The following HECTD4 variants were observed in gnomAD, a reference collection of about 807,000 sequenced individuals.
HECTD4 encodes the protein HECT domain E3 ubiquitin protein ligase 4.
A neutral mutation model predicts 471.5 loss-of-function variants in HECTD4; 114 were observed. That is an observed-to-expected ratio of 0.24 (90% CI 0.21 to 0.28). The LOEUF (loss-of-function observed/expected upper bound fraction) is 0.28. HECTD4 is among the 10% of genes least tolerant of loss of function. HECTD4 has a pLI of 1.00. For synonymous variants in HECTD4, 2,012 were observed against 2,256.0 expected (o/e 0.89, Z 3.07); for missense variants, 3,866 against 5,651.5 (o/e 0.68, Z 10.13).
chr12:112,228,766 T>C lies in HECTD4; in HGVS notation c.6565A>G (p.Ile2189Val), dbSNP rs369958628. 5.6e-6 allele frequency: 9 copies of C among 1,613,746 alleles called. No homozygotes were observed. The highest frequency in any genetic ancestry group is 1.7e-5 in the Admixed American group (1 of 59,892). Residue 2189 changes from isoleucine (I) to valine (V), a missense_variant, in exon 42 of 76, where the codon ATC (isoleucine) becomes GTC (valine). Around this residue, in one of 16 missense-constraint regions of HECTD4, gnomAD observed 617 missense variants for 915.1 expected, o/e 0.67. Coordinates refer to ENST00000682272, the MANE Select transcript of HECTD4 (RefSeq NM_001388303.1). This position sits in a 1 kb window ranked among gnomAD's most constrained non-coding sequence, Gnocchi z 4.9. ...ISGSIGVVAS[I>V]NEQEGIATVR... ...GTAGCTATACCTTCCTGTTCATTGA[T>C]AGAAGCCACTACTCCAATGCTTCCT...
chr12:112,162,776 T>TC lies in HECTD4; in HGVS notation c.13121-254_13121-253insG, dbSNP rs2136992940. On this transcript the variant is annotated intron_variant, in intron 75 of 75. Transcript: ENST00000682272. The surrounding 1 kb of genome is among the most constrained non-coding windows in gnomAD (Gnocchi z 5.2). ...TGCCCAGCAAATTGTTTCTTTTTTT[T>TC]TTTTTTTAACCATTTTTCTGCATTT... 8.8e-6 allele frequency: 5 copies of TC among 565,544 alleles called. No individual in the cohort carries two copies. The highest frequency in any genetic ancestry group is 1.5e-5 in the Non-Finnish European group (5 of 324,566). The allele number at this position is 565,544 out of a possible 1,614,324, so 35.0% of individuals were successfully genotyped here.
In HECTD4 at chr12:112,259,199, G is replaced by A. The variant is rs747484088; in HGVS notation, c.2940C>T (p.Thr980=). 7 of 1,613,882 alleles carry A rather than the reference G, an allele frequency of 4.3e-6. No individual in the cohort carries two copies. Among genetic ancestry groups the A allele is most frequent in the Middle Eastern group, 1.6e-4 (1 of 6,062 alleles). Residue 980 remains threonine (T), a synonymous_variant, in exon 19 of 76, where the codon ACC becomes ACT. Coordinates refer to ENST00000682272, the MANE Select transcript of HECTD4 (RefSeq NM_001388303.1). ...TCTGTAAATTTGGATGCATCAAGGA[G>A]GTCAGTAACACTGGAAGAAGGTGAC... ...MLGHLLPVLL[T]SLMHPNLQTL...
intron 64 of HECTD4, among the ~76,000 whole-genome samples, 154 bp downstream of exon 64, chr12:112,178,777 G>A (rs561335091): frequency 1.3e-5 from 2 of 152,326 alleles, no homozygotes; most frequent in African/African-American, 2.4e-5. Flanking sequence ...AGCTGTGATC[G>A]GGCCGCTGCA....
intron 7 of HECTD4, among the ~76,000 whole-genome samples, chr12:112,285,866 A>C (rs1311594198): frequency 2.0e-5 from 3 of 151,208 alleles, no homozygotes; most frequent in African/African-American, 7.3e-5. Context: ...TCTTACCCCA[A>C]CTCTCCTACT....
chr12:112,337,419 G>A (rs1160756777), intron 1 of HECTD4, among the ~76,000 whole-genome samples: 3 of 152,090 alleles, frequency 2.0e-5, no homozygotes, highest in Non-Finnish European at 2.9e-5. Flanking sequence ...AAAGGTTAGC[G>A]TTATCAGAAA....
intron 17 of HECTD4, among the ~76,000 whole-genome samples, chr12:112,263,523 G>GT (rs2034194552): frequency 1.3e-5 from 2 of 152,130 alleles, no homozygotes; most frequent in Admixed American, 1.3e-4. Flanking sequence ...GTGGGAACAA[G>GT]TTAGTGAGTT....
chr12:112,318,435 C>T (rs984727887), intron 2 of HECTD4, among the ~76,000 whole-genome samples: 8 of 151,588 alleles, frequency 5.3e-5, no homozygotes, highest in Non-Finnish European at 2.9e-5. Context: ...GGTGCAGTGG[C>T]GCCAACTTGG....
Position 112,163,406 on chromosome 12 carries a change from G to A in HECTD4, c.12897+136C>T. 1 of 1,035,116 alleles carries A rather than the reference G, an allele frequency of 9.7e-7. No homozygotes were observed. Among genetic ancestry groups the A allele is most frequent in the East Asian group, 2.6e-5 (1 of 38,188 alleles). 64.1% of individuals were successfully genotyped at this position (1,035,116 alleles called of 1,614,324 possible). On this transcript the variant is annotated intron_variant, in intron 74 of 75. Coordinates refer to ENST00000682272, the MANE Select transcript of HECTD4 (RefSeq NM_001388303.1). This position sits in a 1 kb window ranked among gnomAD's most constrained non-coding sequence, Gnocchi z 8.2. ...GTGAGCACAGGGAGATGACAATGAT[G>A]ACAATGATACAGGTCTGTGGCAAGG...
At chr12:112,341,417 A>T (rs2036052422) in intron 1 of HECTD4, among the ~76,000 whole-genome samples, 1 of 152,176 alleles carries the variant, frequency 6.6e-6, no homozygotes, top group South Asian at 2.1e-4. Context: ...GTGAATATGC[A>T]CCCAGTGACT....
intron 1 of HECTD4, among the ~76,000 whole-genome samples, chr12:112,343,716 A>G (rs560259867): frequency 1.1e-4 from 16 of 152,102 alleles, no homozygotes; most frequent in Non-Finnish European, 2.2e-4. Flanking sequence ...GGCTCCAGTG[A>G]GCTATGATCA....
rs1053821739 is a variant in HECTD4 at position 112,221,915 on chromosome 12, C to T, written c.6971-2426G>A. On this transcript the variant is annotated intron_variant, in intron 44 of 75. Coordinates refer to ENST00000682272, the MANE Select transcript of HECTD4 (RefSeq NM_001388303.1). ...GATTACAGGCACTCGCCCCCATGCT[C>T]GGCTGATTTTTCTTTTTTTTTTTTT... is the stretch of plus-strand genomic sequence containing the variant. 6.7e-5 allele frequency among the ~76,000 whole-genome samples: 10 copies of T among 148,272 alleles called. No individual in the cohort carries two copies. The South Asian group carries it at 1.3e-3, about 19-fold the overall frequency.
rs1566072597 is a variant in HECTD4 at position 112,207,937 on chromosome 12, G to A, written c.8068C>T (p.Arg2690Cys). 2 of 1,613,852 alleles carry A rather than the reference G, an allele frequency of 1.2e-6. No individual in the cohort carries two copies. Among genetic ancestry groups the A allele is most frequent in the South Asian group, 1.1e-5 (1 of 91,046 alleles). Residue 2690 changes from arginine to cysteine, a missense_variant, in exon 52 of 76, where the codon CGC becomes TGC. By Grantham distance (180) the Arg-to-Cys change is radical. Coordinates refer to ENST00000682272, the MANE Select transcript of HECTD4 (RefSeq NM_001388303.1). ...ETKVFPTIRR[R>C]FRNEAERKSG... ...TTCCGCTCTGCTTCATTGCGGAAGC[G>A]TCTTCGGATGGTAGGAAAAACCTTG...
intron 60 of HECTD4, among the ~76,000 whole-genome samples, chr12:112,186,952 G>A (rs2031888249): frequency 6.6e-6 from 1 of 151,828 alleles, no homozygotes; most frequent in African/African-American, 2.4e-5. Flanking sequence ...ACAGATGTGA[G>A]CCACTGTACC....
chr12:112,288,318 CA>C (rs34194692), intron 7 of HECTD4, among the ~76,000 whole-genome samples: 1,175 of 75,032 alleles, frequency 0.016, 7 homozygotes, highest in African/African-American at 0.047. Context: ...GACTCTGTCT[CA>C]AAAAAAAAAA....
chr12:112,270,347 A>G lies in HECTD4; in HGVS notation c.2055T>C (p.Ser685=). ...LATNPNLPIT[S]VLGKQHPIEA... is the part of the protein sequence containing the mutation. The stretch of plus-strand genomic sequence containing the variant: ...CAATTGGATGCTGCTTGCCCAAGAC[A>G]CTTGTGATTGGAAGATTGGGGTTGG... Residue 685 remains serine, a synonymous_variant, in exon 12 of 76, where the codon AGT becomes AGC. Transcript: ENST00000682272. 6.2e-7 allele frequency: 1 copy of G among 1,613,978 alleles called. No individual in the cohort carries two copies. Among genetic ancestry groups the G allele is most frequent in the South Asian group, 1.1e-5 (1 of 91,082 alleles).
chr12:112,373,338 G>C (rs889878320), intron 1 of HECTD4, among the ~76,000 whole-genome samples: 2 of 152,068 alleles, frequency 1.3e-5, no homozygotes, highest in African/African-American at 2.4e-5. Context: ...TCAGGAGTTA[G>C]CCTGGCCAAC....
chr12:112,163,560 G>C lies in HECTD4; in HGVS notation c.12879C>G (p.Ile4293Met). 1 of 1,477,116 alleles carries C rather than the reference G, an allele frequency of 6.8e-7. No homozygotes were observed. The highest frequency in any genetic ancestry group is 9.0e-7 in the Non-Finnish European group (1 of 1,112,148). 91.5% of individuals were successfully genotyped at this position (1,477,116 alleles called of 1,614,324 possible). ...TGTCTACCTTGAGGAACTCGAGGTT[G>C]ATGTAGGGGAGGCCGCAGGTGCGCA... is the stretch of plus-strand genomic sequence containing the variant. ...MELRTCGLPY[I>M]NLEFLKAHTM... Residue 4293 changes from isoleucine (I) to methionine (M), a missense_variant, in exon 74 of 76, where the codon ATC becomes ATG. Around this residue, in one of 16 missense-constraint regions of HECTD4, gnomAD observed 715 missense variants for 1,087.6 expected, o/e 0.66. Transcript: ENST00000682272. The surrounding 1 kb of genome is among the most constrained non-coding windows in gnomAD (Gnocchi z 8.2).
In HECTD4 at chr12:112,329,369, TG is replaced by T. The variant is rs143453970; in HGVS notation, c.178-9628del. Among the ~76,000 whole-genome samples the T allele has an allele frequency of 2.8e-3, 348 of 125,230 alleles. 4 individuals carry two copies. The highest frequency in any genetic ancestry group is 0.014 in the South Asian group (54 of 3,748). The allele number at this position is 125,230 out of a possible 152,430, so 82.2% of individuals were successfully genotyped here. The stretch of plus-strand genomic sequence containing the variant: ...ATGTATTGATTTGTTTTGGGTTTTT[TG>T]TTTTTTTTTTTTTTTTTAACAGAGT... On this transcript the variant is annotated intron_variant, in intron 1 of 75. Transcript: ENST00000682272.
At chr12:112,252,227 G>A (rs2033906238) in intron 23 of HECTD4, among the ~76,000 whole-genome samples, 197 bp downstream of exon 23, 2 of 152,198 alleles carry the variant, frequency 1.3e-5, no homozygotes, top group Non-Finnish European at 2.9e-5. Flanking sequence ...CTGTGCTGCT[G>A]AGTTGATTTT....
Sources: gnomAD v4.1 joint callset for allele counts (sites outside exome capture counted in the v4.1 genomes callset) on GRCh38, gnomAD v4.1.1 for gene constraint, gnomAD v4.1.1 regional missense constraint, Gnocchi (gnomAD v3.1) non-coding constraint, MANE v1.5 for transcripts, NCBI Gene and HGNC (gene_info 2026-07-23, HGNC 2026-07-21) for gene names.